IFT88: variants seen among roughly 807,000 people sequenced by gnomAD.
IFT88 encodes intraflagellar transport protein 88 homolog.
IFT88 carries 74 observed loss-of-function variants against 119.5 expected under a neutral mutation model. The ratio of observed to expected loss-of-function variants is 0.62; its 90% confidence interval spans 0.51 to 0.75. The LOEUF is 0.75. Among genes scored for constraint, IFT88 ranks in the 30% least tolerant of loss-of-function variants. The pLI is 0.00. For synonymous variants in IFT88, 279 were observed against 316.7 expected, an observed-to-expected ratio of 0.88 and a Z score of 1.26; for missense variants, 961 against 977.7, an observed-to-expected ratio of 0.98 and a Z score of 0.23.
At chr13:20,599,136 G>A (rs1273588409) in intron 10 of IFT88, among the ~76,000 whole-genome samples, 1 of 151,946 alleles carries the variant, frequency 6.6e-6, no homozygotes, top group Non-Finnish European at 1.5e-5. Flanking sequence ...TTATTAAAAT[G>A]TATGTGGCAT....
chr13:20,574,415 G>A lies in IFT88; in HGVS notation c.30G>A (p.Glu10=). MMQNVHLAP[E]TDEDDLYSGY... is the part of the protein sequence containing the mutation. ...TGCAAAATGTGCACCTGGCTCCAGA[G>A]ACAGATGAAGATGATCTTTATTCCG... The change falls in exon 2 of 26, where the codon GAG becomes GAA. Residue 10 remains glutamate, a synonymous_variant. Transcript: ENST00000351808. The A allele has an allele frequency of 1.9e-6, 3 of 1,612,064 alleles. No homozygotes were observed. The highest frequency in any genetic ancestry group is 2.5e-6 in the Non-Finnish European group (3 of 1,178,758).
intron 13 of IFT88, among the ~76,000 whole-genome samples, 154 bp downstream of exon 13, chr13:20,605,259 T>A (rs556876970): frequency 6.6e-6 from 1 of 152,344 alleles, no homozygotes; most frequent in African/African-American, 2.4e-5. Flanking sequence ...ACAGAACTTG[T>A]TATATTCAAT....
At chr13:20,669,725 A>G (rs926401802) in intron 23 of IFT88, among the ~76,000 whole-genome samples, 2 of 152,050 alleles carry the variant, frequency 1.3e-5, no homozygotes, top group African/African-American at 2.4e-5. Flanking sequence ...CACCGGGCCT[A>G]TTTTCAGCAT....
intron 24 of IFT88, among the ~76,000 whole-genome samples, chr13:20,689,690 T>C (rs549428387): frequency 6.6e-6 from 1 of 152,328 alleles, no homozygotes. Context: ...TATATAGTTA[T>C]TGTGTATATA....
chr13:20,656,296 A>G (rs2052782827), intron 21 of IFT88, 69 bp from the exon 22 acceptor site: 3 of 639,934 alleles, frequency 4.7e-6, no homozygotes. Flanking sequence ...ATCAGTTAAA[A>G]TTAATATTTT....
chr13:20,655,016 C>G (rs1253047936), intron 21 of IFT88, among the ~76,000 whole-genome samples: 2 of 152,186 alleles, frequency 1.3e-5, no homozygotes, highest in Non-Finnish European at 2.9e-5. Context: ...AGATTTATAA[C>G]TCATTTGCTA....
intron 24 of IFT88, among the ~76,000 whole-genome samples, chr13:20,688,150 A>G (rs1319783113): frequency 6.6e-6 from 1 of 152,248 alleles, no homozygotes; most frequent in African/African-American, 2.4e-5. Context: ...AGCCTGGCAA[A>G]CAAGGTGAAA....
chr13:20,645,770 T>G (rs556612077), intron 20 of IFT88, among the ~76,000 whole-genome samples: 1 of 152,342 alleles, frequency 6.6e-6, no homozygotes, highest in African/African-American at 2.4e-5. Flanking sequence ...TTGGCCATAT[T>G]GAATTTTAAG....
Position 20,631,070 on chromosome 13 carries a change from G to A in IFT88, c.1354G>A (p.Ala452Thr). 1 of 1,605,878 alleles carries A rather than the reference G, an allele frequency of 6.2e-7. No individual in the cohort carries two copies. Among genetic ancestry groups the A allele is most frequent in the Non-Finnish European group, 8.5e-7 (1 of 1,172,478 alleles). The change falls in exon 16 of 26, where the codon GCT becomes ACT. Residue 452 changes from alanine (A) to threonine (T), a missense_variant. Ala to Thr is a moderately conservative substitution (Grantham distance 58, BLOSUM62 0). Transcript: ENST00000351808. ...AAAGGACAGTAGAGTGAAAAGTGCA[G>A]CTGCAACCAATCTCTCAGCCCTGTA... is the stretch of plus-strand genomic sequence containing the variant. ...EKKDSRVKSA[A>T]ATNLSALYYM...
intron 23 of IFT88, among the ~76,000 whole-genome samples, chr13:20,668,193 G>A (rs988798984): frequency 6.6e-6 from 1 of 152,160 alleles, no homozygotes; most frequent in Non-Finnish European, 1.5e-5. Context: ...CACAGAGTCT[G>A]TCCTGTTGCC....
At chr13:20,591,476 G>A (rs1169561875) in intron 5 of IFT88, 142 bp from the exon 6 acceptor site, 1 of 529,944 alleles carries the variant, frequency 1.9e-6, no homozygotes, top group Non-Finnish European at 3.3e-6. Flanking sequence ...TACATGAGGA[G>A]GTAGAAGTAA....
intron 9 of IFT88, among the ~76,000 whole-genome samples, chr13:20,597,502 T>C (rs1479450642): frequency 6.6e-6 from 1 of 152,078 alleles, no homozygotes; most frequent in Non-Finnish European, 1.5e-5. Flanking sequence ...CCCAGCACTT[T>C]GGGAGGCCGA....
intron 16 of IFT88, among the ~76,000 whole-genome samples, chr13:20,633,280 C>T (rs1355878067): frequency 1.3e-5 from 2 of 152,042 alleles, no homozygotes; most frequent in African/African-American, 4.8e-5. Flanking sequence ...ATAATCATAG[C>T]AGAAGGTGAA....
chr13:20,601,912 A>G lies in IFT88; in HGVS notation c.1020A>G (p.Glu340=), dbSNP rs772236866. The change falls in exon 12 of 26, where the codon GAA becomes GAG. Residue 340 remains glutamate, a synonymous_variant. Coordinates refer to ENST00000351808, the MANE Select transcript of IFT88 (RefSeq NM_006531.5). ...TTACTGTTCCATTAGAAATTGATGA[A>G]GATAAATATATTTCACCAAGTGTGA... ...KLITVPLEID[E]DKYISPSDDP... The G allele has an allele frequency of 8.2e-6, 13 of 1,579,938 alleles. No homozygotes were observed. In the South Asian group the frequency reaches 1.3e-4, roughly 16 times the overall value.
At chr13:20,568,995 C>G (rs935631193) in intron 1 of IFT88, among the ~76,000 whole-genome samples, 6 of 152,078 alleles carry the variant, frequency 3.9e-5, no homozygotes, top group African/African-American at 1.4e-4. Context: ...GTTGGGATTA[C>G]AAGCGTGAGC....
At chr13:20,622,376 G>A (rs1348937616) in intron 14 of IFT88, among the ~76,000 whole-genome samples, 3 of 152,286 alleles carry the variant, frequency 2.0e-5, no homozygotes, top group Non-Finnish European at 4.4e-5. Flanking sequence ...ATTACAGTAA[G>A]TATATATTTG....
rs1196747985 is a variant in IFT88 at position 20,590,951 on chromosome 13, CTT to C, written c.211-13_211-12del. On this transcript the variant is annotated splice_polypyrimidine_tract_variant and intron_variant, in intron 4 of 25. Coordinates refer to ENST00000351808, the MANE Select transcript of IFT88 (RefSeq NM_006531.5). ...ATTTTTAGGAATCTTTTTAACTTAA[CTT>C]TTCTGTTTACTAGTCCAAGACATCT... is the stretch of plus-strand genomic sequence containing the variant. 6.3e-7 allele frequency: 1 copy of C among 1,585,482 alleles called. No homozygotes were observed. The highest frequency in any genetic ancestry group is 2.2e-5 in the East Asian group (1 of 44,550).
chr13:20,608,885 C>T (rs964442534), intron 13 of IFT88, among the ~76,000 whole-genome samples: 1 of 151,846 alleles, frequency 6.6e-6, no homozygotes, highest in Non-Finnish European at 1.5e-5. Flanking sequence ...GGAAACTGCT[C>T]TCTCTCTCTC....
intron 13 of IFT88, chr13:20,607,818 C>T (rs1594133471): frequency 1.4e-6 from 1 of 738,028 alleles, no homozygotes; most frequent in Non-Finnish European, 2.6e-6. Flanking sequence ...TTGTCAATGC[C>T]ACCAAGAGAA....
Sources: gnomAD v4.1 joint callset for allele counts (sites outside exome capture counted in the v4.1 genomes callset) on GRCh38, gnomAD v4.1.1 for gene constraint, MANE v1.5 for transcripts, NCBI Gene and HGNC (gene_info 2026-07-23, HGNC 2026-07-21) for gene names.